Variants in ATXN7 observed in about 807,000 individuals in gnomAD.
The protein encoded by ATXN7 is ataxin 7, also known as ataxin-7.
A neutral mutation model predicts 70.5 loss-of-function variants in ATXN7; 12 were observed. The observed-to-expected ratio is 0.17, with a 90% CI of 0.11 to 0.28. The LOEUF is 0.28. ATXN7 is among the 10% of genes least tolerant of loss of function. The pLI, the probability that ATXN7 is intolerant of heterozygous loss-of-function variation, is 1.00. For missense variants in ATXN7, 1,256 were observed against 1,131.7 expected, an observed-to-expected ratio of 1.11 and a Z score of -1.58; for synonymous variants, 498 against 448.7, an observed-to-expected ratio of 1.11 and a Z score of -1.39.
rs1447846575 is a variant in ATXN7 at position 63,953,072 on chromosome 3, T to C, written c.499+589T>C. 2.0e-5 allele frequency among the ~76,000 whole-genome samples: 3 copies of C among 152,006 alleles called. No individual in the cohort carries two copies. In the East Asian group the frequency reaches 5.8e-4, roughly 29 times the overall value. ...TACGTACCTTGTTTCAGGCATTGAG[T>C]ATGTAGTATGATTCTTACCGCCACA... On this transcript the variant is annotated intron_variant, in intron 5 of 12. Transcript: ENST00000674280.
chr3:63,926,125 A>G (rs1704705532), intron 4 of ATXN7, among the ~76,000 whole-genome samples: 2 of 152,048 alleles, frequency 1.3e-5, no homozygotes, highest in Admixed American at 1.3e-4. Context: ...CCCCGGTAAA[A>G]CCCTTTAATG....
At chr3:63,954,482 C>T (rs1416319601) in intron 5 of ATXN7, among the ~76,000 whole-genome samples, 3 of 152,078 alleles carry the variant, frequency 2.0e-5, no homozygotes, top group Non-Finnish European at 4.4e-5. Context: ...ATCGGAGTTC[C>T]CTGCTCTGGA....
At chr3:63,878,731 A>G (rs1204473790) in intron 1 of ATXN7, among the ~76,000 whole-genome samples, 1 of 152,184 alleles carries the variant, frequency 6.6e-6, no homozygotes, top group Non-Finnish European at 1.5e-5. Flanking sequence ...GAGGGAGCAA[A>G]GAGAAGAAAT....
chr3:63,996,268 G>C lies in ATXN7; in HGVS notation c.2446G>C (p.Val816Leu), dbSNP rs756542442. 1 of 1,614,136 alleles carries C rather than the reference G, an allele frequency of 6.2e-7. No homozygotes were observed. The highest frequency in any genetic ancestry group is 1.1e-5 in the South Asian group (1 of 91,078). The change falls in exon 12 of 13, where the codon GTC (valine) becomes CTC (leucine). Residue 816 changes from valine (V) to leucine (L), a missense_variant. Transcript: ENST00000674280. ...CATTCACCAGTCCAATGAACTGCCTGTCAACTCCCACGGCAGTTTTTCCCA... is the reference window on the plus strand; with the variant it reads ...CATTCACCAGTCCAATGAACTGCCTCTCAACTCCCACGGCAGTTTTTCCCA... ...PFIHQSNELP[V>L]NSHGSFSHSH... is the part of the protein sequence containing the mutation.
rs780592975 is a variant in ATXN7, at chr3:63,866,360, C to T, written c.-111+2202C>T. The stretch of plus-strand genomic sequence containing the variant: ...GGAACTCCTGGGCTCAAGTGATCCT[C>T]CCATCTCAGCCTACCAACTAGTTGG... On this transcript the variant is annotated intron_variant, in intron 1 of 12. Coordinates refer to ENST00000674280, the MANE Select transcript of ATXN7 (RefSeq NM_001377405.1). Among the ~76,000 whole-genome samples, 6 of 152,298 alleles carry T rather than the reference C, an allele frequency of 3.9e-5. No individual in the cohort carries two copies. The South Asian group carries it at 1.0e-3, about 26-fold the overall frequency.
At chr3:63,869,536 T>TGCCTCA (rs1702537407) in intron 1 of ATXN7, among the ~76,000 whole-genome samples, 1 of 152,302 alleles carries the variant, frequency 6.6e-6, no homozygotes, top group African/African-American at 2.4e-5. Flanking sequence ...GCTATTCTCG[T>TGCCTCA]GCCTCAGCCT....
chr3:63,928,612 ATATT>A (rs1704813797), intron 4 of ATXN7, among the ~76,000 whole-genome samples: 3 of 152,154 alleles, frequency 2.0e-5, no homozygotes, highest in Non-Finnish European at 4.4e-5. Context: ...ACAGGTATTT[ATATT>A]ATCCCCGTTT....
At chr3:63,958,592 G>A (rs1274556179) in intron 5 of ATXN7, among the ~76,000 whole-genome samples, 1 of 152,138 alleles carries the variant, frequency 6.6e-6, no homozygotes, top group Non-Finnish European at 1.5e-5. Context: ...GACCTGGAAA[G>A]TAACAGGTTC....
At chr3:63,927,292 T>C (rs531991011) in intron 4 of ATXN7, among the ~76,000 whole-genome samples, 1 of 152,338 alleles carries the variant, frequency 6.6e-6, no homozygotes, top group African/African-American at 2.4e-5. Flanking sequence ...CATTGCTGTC[T>C]GGTGTCAACA....
chr3:63,957,641 G>T (rs2075061069), intron 5 of ATXN7, among the ~76,000 whole-genome samples: 1 of 152,218 alleles, frequency 6.6e-6, no homozygotes, highest in Non-Finnish European at 1.5e-5. Context: ...TGAGCCTGAG[G>T]CTTGCTCTCT....
At chr3:63,944,549 G>A (rs917323527) in intron 4 of ATXN7, among the ~76,000 whole-genome samples, 11 of 152,108 alleles carry the variant, frequency 7.2e-5, no homozygotes. Flanking sequence ...ATTTCATCCT[G>A]CTGTTCGGAA....
intron 4 of ATXN7, among the ~76,000 whole-genome samples, chr3:63,920,907 G>C (rs931132450): frequency 6.6e-6 from 1 of 152,158 alleles, no homozygotes; most frequent in Non-Finnish European, 1.5e-5. Context: ...TTTTATTGCA[G>C]TATTTCTAAT....
intron 5 of ATXN7, among the ~76,000 whole-genome samples, chr3:63,961,501 A>G (rs2075130929): frequency 6.6e-6 from 1 of 152,166 alleles, no homozygotes; most frequent in Non-Finnish European, 1.5e-5. Flanking sequence ...CTGTGATTTG[A>G]TGAACTACTT....
chr3:63,914,338 C>T lies in ATXN7; in HGVS notation c.394+1113C>T, dbSNP rs75741290. ...GGGCGCTTTTTGGCCTCTTGGCACT[C>T]GGAGGAAGAGTAATACCAGTGACAG... On this transcript the variant is annotated intron_variant, in intron 4 of 12. Transcript: ENST00000674280. 9.3e-4 allele frequency among the ~76,000 whole-genome samples: 141 copies of T among 152,106 alleles called. 1 individual carries two copies. The East Asian group carries it at 0.02, about 22-fold the overall frequency.
At chr3:63,960,784 A>T (rs1397982249) in intron 5 of ATXN7, among the ~76,000 whole-genome samples, 1 of 152,098 alleles carries the variant, frequency 6.6e-6, no homozygotes, top group Non-Finnish European at 1.5e-5. Context: ...GTATTATATT[A>T]AGTCTTTAGG....
At chr3:63,937,932 T>C (rs2074693308) in intron 4 of ATXN7, among the ~76,000 whole-genome samples, 1 of 152,238 alleles carries the variant, frequency 6.6e-6, no homozygotes, top group Non-Finnish European at 1.5e-5. Flanking sequence ...TGGAAAGTAC[T>C]TAGCACACTG....
In ATXN7 at chr3:63,999,861, C is replaced by T; in HGVS notation, c.*394C>T. ...AAGAGCGTTACTGTAGACCTTTCTC[C>T]CTCCTTCCTTTTACTACCATTTTTT... On this transcript the variant is annotated 3_prime_UTR_variant, in exon 13 of 13. Transcript: ENST00000674280. 3.3e-6 allele frequency: 1 copy of T among 299,960 alleles called. No homozygotes were observed. The highest frequency in any genetic ancestry group is 6.4e-5 in the East Asian group (1 of 15,506). 18.6% of individuals were successfully genotyped at this position (299,960 alleles called of 1,614,324 possible).
chr3:63,980,203 G>C, intron 6 of ATXN7, 36 bp downstream of exon 6: 4 of 1,612,294 alleles, frequency 2.5e-6, no homozygotes, highest in Non-Finnish European at 3.4e-6. Context: ...AAGCTTACCT[G>C]CTGGAAATGA....
intron 1 of ATXN7, among the ~76,000 whole-genome samples, chr3:63,890,482 A>C (rs528036490): frequency 7.2e-5 from 11 of 152,334 alleles, no homozygotes; most frequent in Admixed American, 5.9e-4. Flanking sequence ...AGGGCATTAC[A>C]TAATTATTTT....
Sources: allele counts gnomAD v4.1 joint callset (sites outside exome capture counted in the v4.1 genomes callset), GRCh38; gene constraint gnomAD v4.1.1; transcripts MANE v1.5; gene names NCBI Gene and HGNC (gene_info 2026-07-23, HGNC 2026-07-21).